Variants in SLMAP observed in about 807,000 individuals in gnomAD.
SLMAP encodes the protein sarcolemmal membrane-associated protein.
Under a neutral mutation model 128.8 loss-of-function variants are expected in SLMAP, and 44 were observed. The observed-to-expected ratio is 0.34, with a 90% CI of 0.27 to 0.44. SLMAP has a LOEUF of 0.44. SLMAP is among the 20% of genes least tolerant of loss of function. The pLI is 1.00. For missense variants in SLMAP, 787 were observed against 985.3 expected (o/e 0.80, Z 2.69); for synonymous variants, 327 against 348.8 (o/e 0.94, Z 0.70).
At chr3:57,876,315 C>A (rs2095602795) in intron 14 of SLMAP, among the ~76,000 whole-genome samples, 1 of 152,146 alleles carries the variant, frequency 6.6e-6, no homozygotes, top group African/African-American at 2.4e-5. Flanking sequence ...AAACACATTT[C>A]AATTTGTTTT....
At chr3:57,844,366 G>A (rs2094136652) in intron 4 of SLMAP, among the ~76,000 whole-genome samples, 1 of 151,608 alleles carries the variant, frequency 6.6e-6, no homozygotes, top group Admixed American at 6.6e-5. Flanking sequence ...TTCACTTCAG[G>A]CTGGGTGACA....
At chr3:57,836,568 C>T (rs2093651981) in intron 3 of SLMAP, among the ~76,000 whole-genome samples, 1 of 152,036 alleles carries the variant, frequency 6.6e-6, no homozygotes, top group Non-Finnish European at 1.5e-5. Flanking sequence ...GAACTCCTGG[C>T]CTCAAGTGAT....
At chr3:57,905,779 A>T (rs747034225) in intron 17 of SLMAP, among the ~76,000 whole-genome samples, 1 of 152,164 alleles carries the variant, frequency 6.6e-6, no homozygotes, top group Non-Finnish European at 1.5e-5. Flanking sequence ...CAAATTATTA[A>T]CATACAGCAA....
At position 57,865,306 on chromosome 3, in the gene SLMAP, C is replaced by A; in HGVS notation, c.1237+14C>A. The A allele has an allele frequency of 8.7e-7, 1 of 1,154,898 alleles. No individual in the cohort carries two copies. Among genetic ancestry groups the A allele is most frequent in the Non-Finnish European group, 1.3e-6 (1 of 799,904 alleles). The allele number at this position is 1,154,898 out of a possible 1,614,324, so 71.5% of individuals were successfully genotyped here. ...GCACAGAAAAAGGTAGTGTAAAAAA[C>A]TTAAATATATATATACTTTTTATGA... is the stretch of plus-strand genomic sequence containing the variant. On this transcript the variant is annotated intron_variant, in intron 13 of 24. Coordinates refer to ENST00000671191, the MANE Select transcript of SLMAP (RefSeq NM_001377540.1).
At chr3:57,867,021 T>TA (rs1217719278) in intron 13 of SLMAP, among the ~76,000 whole-genome samples, 2 of 151,948 alleles carry the variant, frequency 1.3e-5, no homozygotes, top group East Asian at 3.9e-4. Flanking sequence ...CTACAAAAAA[T>TA]ACAAAAATTA....
At chr3:57,780,076 A>G (rs2082708589) in intron 2 of SLMAP, among the ~76,000 whole-genome samples, 1 of 152,100 alleles carries the variant, frequency 6.6e-6, no homozygotes, top group African/African-American at 2.4e-5. Context: ...AACTATATTT[A>G]CATTCTAAAT....
At chr3:57,915,125 C>T (rs2096783461) in intron 21 of SLMAP, among the ~76,000 whole-genome samples, 1 of 152,092 alleles carries the variant, frequency 6.6e-6, no homozygotes, top group Non-Finnish European at 1.5e-5. Flanking sequence ...ACCTTGGCCT[C>T]CCTAAGTGCT....
At chr3:57,854,480 C>A (rs180999383) in intron 6 of SLMAP, among the ~76,000 whole-genome samples, 5 of 152,174 alleles carry the variant, frequency 3.3e-5, no homozygotes, top group African/African-American at 2.4e-5. Flanking sequence ...CACCTGTAGT[C>A]CCAGCTGCTC....
chr3:57,926,961 T>C (rs1248046063), intron 24 of SLMAP, among the ~76,000 whole-genome samples: 1 of 152,198 alleles, frequency 6.6e-6, no homozygotes, highest in Non-Finnish European at 1.5e-5. Context: ...ATCAGTTATA[T>C]TGGAATATAT....
chr3:57,912,665 G>A lies in SLMAP; in HGVS notation c.1984G>A (p.Glu662Lys). 1 of 1,613,796 alleles carries A rather than the reference G, an allele frequency of 6.2e-7. No homozygotes were observed. Among genetic ancestry groups the A allele is most frequent in the Non-Finnish European group, 8.5e-7 (1 of 1,179,842 alleles). ...NSFQLRCQQC[E>K]DQQREEATRL... Reference sequence around the variant, plus strand: ...TTTTCAGCTTAGATGTCAACAGTGTGAGGACCAGCAGAGAGAAGAAGCAAC... The same window carrying A: ...TTTTCAGCTTAGATGTCAACAGTGTAAGGACCAGCAGAGAGAAGAAGCAAC... Residue 662 changes from glutamate to lysine, a missense_variant, in exon 20 of 25, where the codon GAG becomes AAG. Around this residue, in one of 2 missense-constraint regions of SLMAP, gnomAD observed 715 missense variants for 843.6 expected, o/e 0.85. Coordinates refer to ENST00000671191, the MANE Select transcript of SLMAP (RefSeq NM_001377540.1).
At chr3:57,905,399 A>C (rs915997121) in intron 17 of SLMAP, among the ~76,000 whole-genome samples, 5 of 151,996 alleles carry the variant, frequency 3.3e-5, no homozygotes, top group Non-Finnish European at 7.4e-5. Flanking sequence ...CTCCTGCCTC[A>C]GCCTCCCAAG....
intron 19 of SLMAP, among the ~76,000 whole-genome samples, chr3:57,910,407 C>G (rs1045279610): frequency 6.6e-6 from 1 of 152,092 alleles, no homozygotes; most frequent in Non-Finnish European, 1.5e-5. Flanking sequence ...TGGTCTCAAA[C>G]TCCTGACCTC....
chr3:57,924,523 A>G (rs2096968622), intron 23 of SLMAP, among the ~76,000 whole-genome samples: 1 of 151,864 alleles, frequency 6.6e-6, no homozygotes, highest in Non-Finnish European at 1.5e-5. Flanking sequence ...ATGTGCCACC[A>G]CACCTGGCTA....
At chr3:57,860,271 T>G (rs2094984297) in intron 8 of SLMAP, among the ~76,000 whole-genome samples, 1 of 152,186 alleles carries the variant, frequency 6.6e-6, no homozygotes, top group African/African-American at 2.4e-5. Flanking sequence ...CATTTTGTAC[T>G]TTTCCTGCCC....
chr3:57,764,959 G>T (rs150699828), intron 2 of SLMAP, among the ~76,000 whole-genome samples: 2 of 152,202 alleles, frequency 1.3e-5, no homozygotes, highest in East Asian at 3.8e-4. Context: ...TCGGCAAAGC[G>T]CAAGGTCCTG....
chr3:57,878,740 C>T (rs1575612334), intron 14 of SLMAP, among the ~76,000 whole-genome samples: 2 of 152,276 alleles, frequency 1.3e-5, no homozygotes, highest in South Asian at 4.1e-4. Context: ...AGAAGCTGTG[C>T]ATAATTACCA....
intron 2 of SLMAP, chr3:57,800,997 C>A: frequency 3.5e-6 from 1 of 283,950 alleles, no homozygotes; most frequent in Non-Finnish European, 7.0e-6. Flanking sequence ...TTAGCACAAC[C>A]TCCTCTTTGT....
At chr3:57,797,272 G>C (rs2086972900) in intron 2 of SLMAP, among the ~76,000 whole-genome samples, 1 of 151,712 alleles carries the variant, frequency 6.6e-6, no homozygotes, top group African/African-American at 2.4e-5. Flanking sequence ...ATCACCTGAG[G>C]TCGGGAGTTT....
intron 4 of SLMAP, 104 bp from the exon 5 acceptor site, chr3:57,847,093 A>G: frequency 2.9e-6 from 2 of 699,790 alleles, no homozygotes; most frequent in South Asian, 1.9e-5. Context: ...AATTACATGA[A>G]GGCAAATGTA....
Sources: allele counts gnomAD v4.1 joint callset (sites outside exome capture counted in the v4.1 genomes callset), GRCh38; gene constraint gnomAD v4.1.1; regional missense constraint gnomAD v4.1.1; transcripts MANE v1.5; gene names NCBI Gene and HGNC (gene_info 2026-07-23, HGNC 2026-07-21).